The following TAF2 variants were observed in gnomAD, a reference collection of about 807,000 sequenced individuals.
The protein encoded by TAF2 is transcription initiation factor TFIID subunit 2.
TAF2 carries 61 observed loss-of-function variants against 138.5 expected under a neutral mutation model. The observed-to-expected ratio is 0.44, with a 90% CI of 0.36 to 0.54. The LOEUF (loss-of-function observed/expected upper bound fraction) is 0.54, where lower values mean the gene tolerates loss of function less well. Among genes scored for constraint, TAF2 ranks in the 20% least tolerant of loss-of-function variants. The pLI is 0.00. For synonymous variants in TAF2, 475 were observed against 469.9 expected, an observed-to-expected ratio of 1.01 and a Z score of -0.14; for missense variants, 1,090 against 1,427.9, an observed-to-expected ratio of 0.76 and a Z score of 3.81.
In TAF2 at chr8:119,788,442, T is replaced by A; in HGVS notation, c.1689A>T (p.Pro563=). 6.2e-7 allele frequency: 1 copy of A among 1,611,572 alleles called. No individual in the cohort carries two copies. Among genetic ancestry groups the A allele is most frequent in the Non-Finnish European group, 8.5e-7 (1 of 1,179,076 alleles). ...CTAACTCCTGCACTGTCACTTTAAG[T>A]GGTCCCTTTTAAAAAAAAAACGTAC... ...TSPGTQKYVG[P]LKVTVQELDG... The change falls in exon 14 of 26, where the codon CCA becomes CCT. Residue 563 remains proline (P), a synonymous_variant. Transcript: ENST00000378164.
chr8:119,811,203 G>A (rs909082385), intron 3 of TAF2, among the ~76,000 whole-genome samples: 8 of 151,962 alleles, frequency 5.3e-5, no homozygotes, highest in African/African-American at 1.9e-4. Flanking sequence ...TAAATTAAGG[G>A]AATAGATATA....
intron 2 of TAF2, 55 bp from the exon 3 acceptor site, chr8:119,819,561 T>C (rs1825692812): frequency 3.5e-6 from 5 of 1,435,784 alleles, no homozygotes; most frequent in East Asian, 2.3e-5. Flanking sequence ...TTTCAGAATA[T>C]ATTTCTTTTA....
chr8:119,755,184 C>G (rs1586329591), intron 22 of TAF2, among the ~76,000 whole-genome samples: 1 of 152,198 alleles, frequency 6.6e-6, no homozygotes, highest in Non-Finnish European at 1.5e-5. Context: ...TGTTTTCTTA[C>G]CTCTTGACCT....
intron 22 of TAF2, among the ~76,000 whole-genome samples, chr8:119,753,163 C>T (rs1296140112): frequency 6.6e-6 from 1 of 152,136 alleles, no homozygotes; most frequent in Non-Finnish European, 1.5e-5. Flanking sequence ...ACACAACACA[C>T]ACACAATTAT....
intron 22 of TAF2, among the ~76,000 whole-genome samples, chr8:119,752,593 T>A (rs1303773365): frequency 3.3e-5 from 5 of 152,224 alleles, no homozygotes; most frequent in African/African-American, 1.2e-4. Flanking sequence ...TTTTTAAAAG[T>A]CATGAGTATC....
At chr8:119,782,848 A>G (rs1312833974) in intron 16 of TAF2, among the ~76,000 whole-genome samples, 1 of 152,200 alleles carries the variant, frequency 6.6e-6, no homozygotes, top group Non-Finnish European at 1.5e-5. Context: ...AGATTAATCA[A>G]TCAATCAAGC....
Position 119,795,564 on chromosome 8 carries a change from C to T in TAF2, c.1159G>A (p.Gly387Ser), listed in dbSNP as rs750383401. ...IYGLWMKKTF[G>S]VNEYRHWIKE... is the part of the protein sequence containing the mutation. Reference sequence around the variant, plus strand: ...ATCCAATGGCGGTACTCATTAACACCAAAAGTTTTTTTCATCCAAAGTCCA... The same window carrying T: ...ATCCAATGGCGGTACTCATTAACACTAAAAGTTTTTTTCATCCAAAGTCCA... Residue 387 changes from glycine (G) to serine (S), a missense_variant, in exon 9 of 26, where the codon GGT (glycine) becomes AGT (serine). By Grantham distance (56) the Gly-to-Ser change is moderately conservative. This residue lies in a region of TAF2 where 504 missense variants were observed against 680.9 expected (regional missense o/e 0.74). Coordinates refer to ENST00000378164, the MANE Select transcript of TAF2 (RefSeq NM_003184.4). The T allele has an allele frequency of 6.2e-7, 1 of 1,613,670 alleles. No individual in the cohort carries two copies. Among genetic ancestry groups the T allele is most frequent in the Non-Finnish European group, 8.5e-7 (1 of 1,179,766 alleles).
chr8:119,732,596 G>T lies in TAF2; in HGVS notation c.3338-410C>A, dbSNP rs1412322499. ...AGGCGGGTAGATCACTTGAGGTCAG[G>T]AGTTCGAAACCAGCCTGGCCAACGT... On this transcript the variant is annotated intron_variant, in intron 25 of 25. Transcript: ENST00000378164. Among the ~76,000 whole-genome samples the T allele has an allele frequency of 2.6e-5, 4 of 152,170 alleles. No individual in the cohort carries two copies. In the East Asian group the frequency reaches 7.7e-4, roughly 29 times the overall value.
chr8:119,732,453 A>G (rs1385797370), intron 25 of TAF2, among the ~76,000 whole-genome samples: 1 of 152,198 alleles, frequency 6.6e-6, no homozygotes, highest in Non-Finnish European at 1.5e-5. Flanking sequence ...TCTTTTAAAA[A>G]TTAATATTTT....
At chr8:119,795,453 T>C (rs950116846) in intron 9 of TAF2, 79 bp downstream of exon 9, 17 of 1,236,748 alleles carry the variant, frequency 1.4e-5, no homozygotes, top group African/African-American at 3.0e-5. Context: ...TTTCAAGCAG[T>C]ATTTTAAAAG....
intron 16 of TAF2, among the ~76,000 whole-genome samples, 166 bp downstream of exon 16, chr8:119,783,215 A>T (rs1822792683): frequency 6.6e-6 from 1 of 152,214 alleles, no homozygotes. Flanking sequence ...TCAGATCAAA[A>T]CATGTTTCTT....
At chr8:119,752,500 A>G (rs1449065373) in intron 22 of TAF2, among the ~76,000 whole-genome samples, 2 of 152,122 alleles carry the variant, frequency 1.3e-5, no homozygotes, top group Admixed American at 1.3e-4. Context: ...AAGAGCCCTC[A>G]GTTTCTGTAC....
intron 18 of TAF2, among the ~76,000 whole-genome samples, chr8:119,776,144 G>GAGAGACCAATGATCATAGAGCGC (rs1383586430): frequency 6.6e-6 from 1 of 152,098 alleles, no homozygotes; most frequent in Non-Finnish European, 1.5e-5. Context: ...CTTATTCTGG[G>GAGAGACCAATGATCATAGAGCGC]AGAGACCAAT....
At position 119,778,228 on chromosome 8, in the gene TAF2, A is replaced by C. The variant is rs561432145; in HGVS notation, c.2254-99T>G. On this transcript the variant is annotated intron_variant, in intron 17 of 25. Coordinates refer to ENST00000378164, the MANE Select transcript of TAF2 (RefSeq NM_003184.4). ...ATAGAAAAGGGTTACTCTTGGGCTGACATAGATATCTGGATGGAGCCTAAC... is the reference window on the plus strand; with the variant it reads ...ATAGAAAAGGGTTACTCTTGGGCTGCCATAGATATCTGGATGGAGCCTAAC... 7 of 718,864 alleles carry C rather than the reference A, an allele frequency of 9.7e-6. No individual in the cohort carries two copies. The East Asian group carries it at 1.4e-4, about 14-fold the overall frequency. The allele number at this position is 718,864 out of a possible 1,614,324, so 44.5% of individuals were successfully genotyped here.
At position 119,818,745 on chromosome 8, in the gene TAF2, C is replaced by A. The variant is rs112352172; in HGVS notation, c.299+601G>T. On this transcript the variant is annotated intron_variant, in intron 3 of 25. Transcript: ENST00000378164. ...AAAAAATGAAGTCCACACACACACA[C>A]ACACACACACACACACACACACAGA... 3.5e-3 allele frequency among the ~76,000 whole-genome samples: 484 copies of A among 137,942 alleles called. 3 individuals carry two copies. The highest frequency in any genetic ancestry group is 0.014 in the African/African-American group (455 of 32,842). The allele number at this position is 137,942 out of a possible 152,430, so 90.5% of individuals were successfully genotyped here.
At chr8:119,768,469 T>C (rs912169177) in intron 18 of TAF2, among the ~76,000 whole-genome samples, 1 of 143,660 alleles carries the variant, frequency 7.0e-6, no homozygotes, top group African/African-American at 2.4e-5. Flanking sequence ...AAAAACTCCT[T>C]ATTTTTTCCT....
At chr8:119,770,684 A>T (rs1821769399) in intron 18 of TAF2, among the ~76,000 whole-genome samples, 1 of 152,214 alleles carries the variant, frequency 6.6e-6, no homozygotes, top group South Asian at 2.1e-4. Flanking sequence ...TACACAATTA[A>T]GGCCCCAAGG....
intron 18 of TAF2, among the ~76,000 whole-genome samples, chr8:119,767,435 TGAGTGA>T (rs1374614851): frequency 6.6e-6 from 1 of 152,182 alleles, no homozygotes; most frequent in East Asian, 1.9e-4. Flanking sequence ...AAAGGATAAG[TGAGTGA>T]GAGATCCCTG....
At chr8:119,824,013 G>T (rs1825947041) in intron 2 of TAF2, among the ~76,000 whole-genome samples, 1 of 152,160 alleles carries the variant, frequency 6.6e-6, no homozygotes, top group South Asian at 2.1e-4. Context: ...TAGGGTATCT[G>T]GTAGAAGAAA....
Sources: gnomAD v4.1 joint callset for allele counts (sites outside exome capture counted in the v4.1 genomes callset) on GRCh38, gnomAD v4.1.1 for gene constraint, gnomAD v4.1.1 regional missense constraint, MANE v1.5 for transcripts, NCBI Gene and HGNC (gene_info 2026-07-23, HGNC 2026-07-21) for gene names.